Variants in ZNF362 observed in about 807,000 individuals in gnomAD.
ZNF362 encodes the protein zinc finger protein 362, also known as rotund homolog.
Under a neutral mutation model 42.9 loss-of-function variants are expected in ZNF362, and 11 were observed. The observed-to-expected ratio is 0.26, with a 90% CI of 0.16 to 0.42. The LOEUF is 0.42. ZNF362 is among the 20% of genes least tolerant of loss of function. The pLI is 1.00. For missense variants in ZNF362, 362 were observed against 576.2 expected (o/e 0.63, Z 3.81); for synonymous variants, 255 against 257.3 (o/e 0.99, Z 0.09).
At chr1:33,275,301 C>G in intron 2 of ZNF362, 1 of 985,414 alleles carries the variant, frequency 1.0e-6, no homozygotes, top group East Asian at 1.1e-4. Context: ...GCCTTCTAAC[C>G]GCACAGGCCT....
the ZNF362 span, among the ~76,000 whole-genome samples, chr1:33,179,290 A>G: frequency 1.3e-5 from 2 of 152,178 alleles, no homozygotes; most frequent in African/African-American, 4.8e-5. Flanking sequence ...TCATCCTCAG[A>G]CAGCTAGACT....
At chr1:33,226,587 G>A in the ZNF362 span, among the ~76,000 whole-genome samples, 2 of 152,174 alleles carry the variant, frequency 1.3e-5, no homozygotes, top group Non-Finnish European at 2.9e-5. Flanking sequence ...AAATGAGGCC[G>A]GGCGCCATGG....
intron 6 of ZNF362, among the ~76,000 whole-genome samples, chr1:33,288,637 TG>T (rs1453285277): frequency 6.8e-6 from 1 of 148,000 alleles, no homozygotes; most frequent in Non-Finnish European, 1.5e-5. Flanking sequence ...CCCAGCTACT[TG>T]GGAGGCTGAG....
the ZNF362 span, among the ~76,000 whole-genome samples, chr1:33,238,921 C>A: frequency 2.0e-5 from 3 of 152,170 alleles, no homozygotes; most frequent in Admixed American, 2.0e-4. Context: ...TCCTGGACTT[C>A]CAGCCTCCAG....
At chr1:33,263,940 C>T (rs916907631) in intron 1 of ZNF362, among the ~76,000 whole-genome samples, 3 of 152,170 alleles carry the variant, frequency 2.0e-5, no homozygotes, top group African/African-American at 4.8e-5. Flanking sequence ...CATTTGTCCA[C>T]CCCACACCCT....
the ZNF362 span, among the ~76,000 whole-genome samples, chr1:33,242,850 A>G: frequency 6.6e-6 from 1 of 152,182 alleles, no homozygotes; most frequent in African/African-American, 2.4e-5. Context: ...GGACAAGCCA[A>G]AGTGCTGCTT....
the ZNF362 span, chr1:33,158,119 T>A: frequency 1.4e-6 from 1 of 723,896 alleles, no homozygotes; most frequent in East Asian, 2.8e-5. Context: ...GGACAGGTCC[T>A]GGAACACACT....
At chr1:33,174,422 A>C in the ZNF362 span, among the ~76,000 whole-genome samples, 3 of 152,126 alleles carry the variant, frequency 2.0e-5, no homozygotes, top group African/African-American at 7.2e-5. Context: ...GGGCTCAAGC[A>C]ATCCTCTTGC....
At chr1:33,246,720 T>C in the ZNF362 span, among the ~76,000 whole-genome samples, 2 of 152,246 alleles carry the variant, frequency 1.3e-5, no homozygotes, top group African/African-American at 4.8e-5. Context: ...AGGAATTTTG[T>C]TTTAGTGGAT....
the ZNF362 span, among the ~76,000 whole-genome samples, chr1:33,225,120 T>G: frequency 6.6e-6 from 1 of 152,170 alleles, no homozygotes; most frequent in Non-Finnish European, 1.5e-5. Context: ...ACATTCACAC[T>G]ATAGACTCTT....
At chr1:33,129,730 G>A in the ZNF362 span, among the ~76,000 whole-genome samples, 1 of 152,148 alleles carries the variant, frequency 6.6e-6, no homozygotes, top group Non-Finnish European at 1.5e-5. The surrounding 1 kb of genome is among the most constrained non-coding windows in gnomAD (Gnocchi z 4.1). Context: ...TAATATCACC[G>A]ATAAAGCTCT....
chr1:33,276,139 C>G lies in ZNF362; in HGVS notation c.78C>G (p.Pro26=), dbSNP rs1303086366. 1.2e-6 allele frequency: 2 copies of G among 1,613,938 alleles called. No individual in the cohort carries two copies. Among genetic ancestry groups the G allele is most frequent in the East Asian group, 2.2e-5 (1 of 44,862 alleles). Reference sequence around the variant, plus strand: ...GATTTAACAACCCCTACTTCTGGCCCCCTCCTCCCACCATGCCCAGCCAGG... The same window carrying G: ...GATTTAACAACCCCTACTTCTGGCCGCCTCCTCCCACCATGCCCAGCCAGG... ...EPRFNNPYFW[P]PPPTMPSQLD... Residue 26 remains proline (P), a synonymous_variant, in exon 3 of 9, where the codon CCC becomes CCG. Transcript: ENST00000539719.
At chr1:33,258,208 G>C (rs928489802) in intron 1 of ZNF362, among the ~76,000 whole-genome samples, 10 of 152,186 alleles carry the variant, frequency 6.6e-5, no homozygotes, top group African/African-American at 2.4e-4. Flanking sequence ...GAAGTATCTT[G>C]CTGGACAGGT....
chr1:33,288,490 G>A (rs1201129297), intron 6 of ZNF362, among the ~76,000 whole-genome samples: 1 of 152,074 alleles, frequency 6.6e-6, no homozygotes, highest in Non-Finnish European at 1.5e-5. Context: ...TGTAATCCCA[G>A]CACTTTAGGA....
upstream of ZNF362, among the ~76,000 whole-genome samples, chr1:33,254,764 C>T (rs1645776491): frequency 1.3e-5 from 2 of 152,174 alleles, no homozygotes; most frequent in Non-Finnish European, 2.9e-5. Context: ...GAGGACGTCA[C>T]TATCTGCAGC....
upstream of ZNF362, chr1:33,256,450 C>CCCGCCGCCGCCGCCGCCGCCG (rs761575797): frequency 1.3e-5 from 2 of 153,524 alleles, no homozygotes; most frequent in Non-Finnish European, 2.6e-5. Context: ...GACCCAGCCT[C>CCCGCCGCCGCCGCCGCCGCCG]CCGCCGCCGC....
chr1:33,263,956 C>T (rs1645846877), intron 1 of ZNF362, among the ~76,000 whole-genome samples: 1 of 152,162 alleles, frequency 6.6e-6, no homozygotes, highest in Non-Finnish European at 1.5e-5. Context: ...ACCCTCCCCA[C>T]TCCTTTCTCT....
At chr1:33,176,616 G>A in the ZNF362 span, 1 of 510,824 alleles carries the variant, frequency 2.0e-6, no homozygotes, top group Non-Finnish European at 3.6e-6. Flanking sequence ...TGCCCTCGGG[G>A]CGTCAGCTGG....
chr1:33,149,156 CTTAT>C, the ZNF362 span, among the ~76,000 whole-genome samples: 5 of 152,146 alleles, frequency 3.3e-5, no homozygotes, highest in Admixed American at 6.6e-5. Flanking sequence ...TCTTCTTTTT[CTTAT>C]TTATTTATTG....
Sources: gnomAD v4.1 joint callset for allele counts (sites outside exome capture counted in the v4.1 genomes callset) on GRCh38, gnomAD v4.1.1 for gene constraint, Gnocchi (gnomAD v3.1) non-coding constraint, MANE v1.5 for transcripts, NCBI Gene and HGNC (gene_info 2026-07-23, HGNC 2026-07-21) for gene names.